CNBD1: variants seen among roughly 807,000 people sequenced by gnomAD.
The protein encoded by CNBD1 is cyclic nucleotide binding domain containing 1.
Under a neutral mutation model 54.4 loss-of-function variants are expected in CNBD1, and 71 were observed. The observed-to-expected ratio is 1.30, with a 90% CI of 1.08 to 1.59. The LOEUF is 1.59. CNBD1 is among the 40% of genes most tolerant of loss of function. The probability of loss-of-function intolerance (pLI) is 0.00; values close to 1 mark genes in which losing one functional copy is unlikely to be tolerated. For missense variants in CNBD1, 659 were observed against 518.0 expected, an observed-to-expected ratio of 1.27 and a Z score of -2.64; for synonymous variants, 182 against 170.7, an observed-to-expected ratio of 1.07 and a Z score of -0.51.
intron 4 of CNBD1, among the ~76,000 whole-genome samples, chr8:87,100,070 G>A (rs1203891477): frequency 6.6e-6 from 1 of 152,150 alleles, no homozygotes; most frequent in East Asian, 1.9e-4. Flanking sequence ...TTTCTTGGAA[G>A]GCAAGTGTGA....
At chr8:86,930,335 TA>T (rs1411739555) in intron 3 of CNBD1, among the ~76,000 whole-genome samples, 4 of 152,148 alleles carry the variant, frequency 2.6e-5, no homozygotes, top group Non-Finnish European at 4.4e-5. Context: ...CTTGATTAGC[TA>T]GAAAGGTCAA....
intron 5 of CNBD1, among the ~76,000 whole-genome samples, chr8:87,211,529 TG>T (rs2130801685): frequency 6.6e-6 from 1 of 152,108 alleles, no homozygotes; most frequent in Non-Finnish European, 1.5e-5. Flanking sequence ...TTCTTGGGGG[TG>T]GGTCCCTTGT....
intron 4 of CNBD1, among the ~76,000 whole-genome samples, chr8:87,125,128 A>C (rs1331275084): frequency 6.6e-6 from 1 of 151,746 alleles, no homozygotes; most frequent in Non-Finnish European, 1.5e-5. Context: ...CACTGACGAA[A>C]AAGTTAAAGA....
At chr8:86,972,038 T>C (rs964152376) in intron 4 of CNBD1, among the ~76,000 whole-genome samples, 9 of 152,096 alleles carry the variant, frequency 5.9e-5, no homozygotes, top group Non-Finnish European at 4.4e-5. Flanking sequence ...CTGCAACCTC[T>C]GCCTCCTGGG....
intron 4 of CNBD1, among the ~76,000 whole-genome samples, chr8:87,057,059 T>A (rs537603976): frequency 2.8e-4 from 42 of 152,186 alleles, no homozygotes; most frequent in Non-Finnish European, 5.3e-4. Context: ...TAAGACTTAA[T>A]CTTACCTGAC....
At chr8:87,024,679 A>G (rs1434314049) in intron 4 of CNBD1, among the ~76,000 whole-genome samples, 2 of 152,094 alleles carry the variant, frequency 1.3e-5, no homozygotes, top group African/African-American at 4.8e-5. Flanking sequence ...GTAATTGATT[A>G]TTTTTGGTTT....
chr8:87,206,129 GGC>G lies in CNBD1; in HGVS notation c.569_570del (p.Gly190GlufsTer7). On this transcript the variant is annotated frameshift_variant, in exon 5 of 11. Coordinates refer to ENST00000518476, the MANE Select transcript of CNBD1 (RefSeq NM_173538.3). LOFTEE classifies it high-confidence loss of function. ...KTVFSETWLK[G>X]STVVANDGFY... The stretch of plus-strand genomic sequence containing the variant: ...TGTCTTTTCCGAAACCTGGTTGAAA[GGC>G]AGCACAGGTAATAGACTAATGTGGG... The G allele has an allele frequency of 6.3e-7, 1 of 1,586,182 alleles. No individual in the cohort carries two copies. The highest frequency in any genetic ancestry group is 8.6e-7 in the Non-Finnish European group (1 of 1,168,494).
intron 4 of CNBD1, among the ~76,000 whole-genome samples, chr8:86,983,595 T>C (rs1808538028): frequency 6.6e-6 from 1 of 152,168 alleles, no homozygotes; most frequent in Admixed American, 6.5e-5. Flanking sequence ...AAGTCCAGAC[T>C]AAGGTGGTCT....
chr8:87,365,020 G>A (rs1438100941), intron 10 of CNBD1, among the ~76,000 whole-genome samples: 1 of 152,042 alleles, frequency 6.6e-6, no homozygotes, highest in East Asian at 1.9e-4. Context: ...TGGTGAGATT[G>A]CTGGATCAAA....
chr8:87,334,749 T>G (rs1809908495), intron 8 of CNBD1, among the ~76,000 whole-genome samples: 1 of 149,032 alleles, frequency 6.7e-6, no homozygotes. Context: ...AGATGGAGTC[T>G]CGCTCTGTTG....
At chr8:87,403,889 C>T (rs1406686008) in intron 2 of CNBD1, among the ~76,000 whole-genome samples, 1 of 152,004 alleles carries the variant, frequency 6.6e-6, no homozygotes. Flanking sequence ...CAGACCCAAT[C>T]TATGAAAGCC....
chr8:87,398,167 C>T lies in CNBD1; in HGVS notation c.214-30379C>T, dbSNP rs563857359. The stretch of plus-strand genomic sequence containing the variant: ...TGTGTTGTCAGCAAACACCTTTTTG[C>T]AAGGGTTCTCATGTTATATTAATAG... On this transcript the variant is annotated intron_variant, in intron 2 of 7. Coordinates refer to the CNBD1 transcript ENST00000521593. 5.8e-3 allele frequency among the ~76,000 whole-genome samples: 693 copies of T among 119,864 alleles called. 4 individuals are homozygous for T. Among genetic ancestry groups the T allele is most frequent in the Non-Finnish European group, 7.5e-3 (435 of 57,720 alleles). 78.6% of individuals were successfully genotyped at this position (119,864 alleles called of 152,430 possible).
At chr8:87,293,219 T>G (rs537500954) in intron 8 of CNBD1, among the ~76,000 whole-genome samples, 1 of 152,312 alleles carries the variant, frequency 6.6e-6, no homozygotes, top group Non-Finnish European at 1.5e-5. Flanking sequence ...GTTGCTTTTG[T>G]TGTGGCAATG....
chr8:86,877,969 C>A (rs892764342), intron 1 of CNBD1, among the ~76,000 whole-genome samples: 23 of 151,686 alleles, frequency 1.5e-4, no homozygotes, highest in African/African-American at 5.6e-4. Context: ...GATTTTATTT[C>A]TGTCATTATT....
At chr8:87,329,046 A>ATT (rs71277934) in intron 8 of CNBD1, among the ~76,000 whole-genome samples, 6,564 of 150,436 alleles carry the variant, frequency 0.044, 185 homozygotes, top group Non-Finnish European at 0.061. Flanking sequence ...TAGGAGTTTT[A>ATT]TTTTTTTTTA....
intron 4 of CNBD1, among the ~76,000 whole-genome samples, chr8:87,065,738 A>G (rs1810635175): frequency 6.6e-6 from 1 of 151,896 alleles, no homozygotes; most frequent in Non-Finnish European, 1.5e-5. Flanking sequence ...AAATATTTTT[A>G]TGTTTTGTCC....
In CNBD1 at chr8:87,105,625, T is replaced by C. The variant is rs111903868; in HGVS notation, c.432-100368T>C. On this transcript the variant is annotated intron_variant, in intron 4 of 10. Coordinates refer to ENST00000518476, the MANE Select transcript of CNBD1 (RefSeq NM_173538.3). ...GTGGGCTTTCTCAGTCTGAAGATGG[T>C]ATTCACTGGGAAAAAAGCATGGCCT... Among the ~76,000 whole-genome samples the C allele has an allele frequency of 3.3e-3, 497 of 152,222 alleles. 4 individuals carry two copies. Among genetic ancestry groups the C allele is most frequent in the African/African-American group, 0.011 (465 of 41,532 alleles).
At chr8:87,304,204 C>T (rs1409615596) in intron 8 of CNBD1, among the ~76,000 whole-genome samples, 3 of 151,796 alleles carry the variant, frequency 2.0e-5, no homozygotes, top group African/African-American at 7.3e-5. Context: ...TATTGCGGCA[C>T]TATTCACAAT....
chr8:86,966,032 C>T (rs2130480456), intron 4 of CNBD1, among the ~76,000 whole-genome samples: 1 of 152,282 alleles, frequency 6.6e-6, no homozygotes, highest in South Asian at 2.1e-4. Context: ...TGGCTGAGCC[C>T]AGGGCTTTTA....
Sources: allele counts gnomAD v4.1 joint callset (sites outside exome capture counted in the v4.1 genomes callset), GRCh38; gene constraint gnomAD v4.1.1; transcripts MANE v1.5; gene names NCBI Gene and HGNC (gene_info 2026-07-23, HGNC 2026-07-21).